ACIN1: variants seen among roughly 807,000 people sequenced by gnomAD.
ACIN1 encodes apoptotic chromatin condensation inducer in the nucleus.
Under a neutral mutation model 146.6 loss-of-function variants are expected in ACIN1, and 16 were observed. The ratio of observed to expected loss-of-function variants is 0.11; its 90% CI spans 0.07 to 0.17. The LOEUF is 0.17. Among genes scored for constraint, ACIN1 ranks in the 10% least tolerant of loss-of-function variants. The pLI, the probability that ACIN1 is intolerant of heterozygous loss-of-function variation, is 1.00. For missense variants in ACIN1, 1,357 were observed against 1,609.3 expected (o/e 0.84, Z 2.68); for synonymous variants, 569 against 582.7 (o/e 0.98, Z 0.34).
rs775836976 is a variant in ACIN1 at position 23,095,092 on chromosome 14, C to T, written c.21G>A (p.Val7=). The T allele has an allele frequency of 5.0e-6, 8 of 1,614,132 alleles. No homozygotes were observed. The highest frequency in any genetic ancestry group is 6.8e-6 in the Non-Finnish European group (8 of 1,180,042). Residue 7 remains valine, a synonymous_variant, in exon 1 of 19, where the codon GTG becomes GTA. Coordinates refer to ENST00000605057, the MANE Select transcript of ACIN1 (RefSeq NM_001386863.1). The part of the protein sequence containing the change: MAELEE[V]TLDGKPLQAL... ...CCTGAAGAGGCTTCCCGTCCAGAGT[C>T]ACCTCCTCCAGCTCCGCCATCTTGC...
intron 9 of ACIN1, chr14:23,069,201 G>A (rs1173521282): frequency 8.7e-6 from 10 of 1,150,080 alleles, no homozygotes; most frequent in East Asian, 8.5e-5. Flanking sequence ...CTTAGATAAA[G>A]GGCCATTATC....
chr14:23,061,906 G>A (rs561769708), intron 16 of ACIN1, among the ~76,000 whole-genome samples: 61 of 149,228 alleles, frequency 4.1e-4, no homozygotes, highest in Non-Finnish European at 7.4e-4. Context: ...CCCGGAAGGC[G>A]GAGCTTGCAG....
chr14:23,075,033 ACT>A (rs2047762770), intron 8 of ACIN1, among the ~76,000 whole-genome samples: 1 of 152,158 alleles, frequency 6.6e-6, no homozygotes, highest in Non-Finnish European at 1.5e-5. Flanking sequence ...AGTGGAGCAA[ACT>A]CTATTGATGA....
chr14:23,078,002 T>A, intron 8 of ACIN1, 149 bp downstream of exon 8: 1 of 681,926 alleles, frequency 1.5e-6, no homozygotes, highest in Non-Finnish European at 2.4e-6. Flanking sequence ...CCCAACATAG[T>A]AACTGAAGTC....
At chr14:23,074,423 G>C (rs2047747008) in intron 8 of ACIN1, among the ~76,000 whole-genome samples, 1 of 151,950 alleles carries the variant, frequency 6.6e-6, no homozygotes, top group African/African-American at 2.4e-5. Context: ...AAAATTAGCA[G>C]GGTGTGGCAG....
At chr14:23,081,421 A>G (rs184104666) in intron 5 of ACIN1, among the ~76,000 whole-genome samples, 1 of 152,342 alleles carries the variant, frequency 6.6e-6, no homozygotes, top group African/African-American at 2.4e-5. Context: ...CTAAATAAAA[A>G]GACAAAACGA....
chr14:23,092,809 A>T (rs757419827), intron 2 of ACIN1, among the ~76,000 whole-genome samples: 1 of 152,204 alleles, frequency 6.6e-6, no homozygotes, highest in Non-Finnish European at 1.5e-5. Flanking sequence ...GAGGAGTATG[A>T]GCCTTGCTTA....
intron 4 of ACIN1, among the ~76,000 whole-genome samples, 176 bp downstream of exon 4, chr14:23,089,806 G>A (rs1333423126): frequency 6.6e-6 from 1 of 152,166 alleles, no homozygotes. Context: ...CAATATATAG[G>A]TGAAAGCAGA....
intron 10 of ACIN1, among the ~76,000 whole-genome samples, chr14:23,065,282 T>G (rs951098961): frequency 6.6e-6 from 1 of 152,176 alleles, no homozygotes; most frequent in Non-Finnish European, 1.5e-5. Context: ...CCTTGGGTGC[T>G]CTCTTAGAAT....
chr14:23,063,092 A>C lies in ACIN1; in HGVS notation c.2738-18T>G. 2 of 1,590,260 alleles carry C rather than the reference A, an allele frequency of 1.3e-6. No homozygotes were observed. The highest frequency in any genetic ancestry group is 1.1e-5 in the South Asian group (1 of 87,086). ...TAAAGTCACTATCAAGAAGACCACA[A>C]GAACAGCTTTTGGTAGGAAGCAATA... On this transcript the variant is annotated intron_variant, in intron 13 of 18. Coordinates refer to ENST00000605057, the MANE Select transcript of ACIN1 (RefSeq NM_001386863.1).
Position 23,090,641 on chromosome 14 carries a change from G to A in ACIN1, c.205-8C>T. The A allele has an allele frequency of 6.2e-7, 1 of 1,608,688 alleles. No homozygotes were observed. The highest frequency in any genetic ancestry group is 1.1e-5 in the South Asian group (1 of 90,678). ...GCTCATTTCCTCACCAATCTGTGTAGAGGAAATGAAAACAGAGGGTCTAGG... is the reference window on the plus strand; with the variant it reads ...GCTCATTTCCTCACCAATCTGTGTAAAGGAAATGAAAACAGAGGGTCTAGG... On this transcript the variant is annotated splice_polypyrimidine_tract_variant and splice_region_variant and intron_variant, in intron 2 of 18. Transcript: ENST00000605057.
chr14:23,059,844 C>T (rs139534212), intron 18 of ACIN1, among the ~76,000 whole-genome samples: 6 of 147,296 alleles, frequency 4.1e-5, no homozygotes, highest in African/African-American at 1.6e-4. Flanking sequence ...TCAGTAGAGA[C>T]GGGGCTTCAC....
In ACIN1 at chr14:23,091,497, G is replaced by C. The variant is rs552172825; in HGVS notation, c.205-864C>G. On this transcript the variant is annotated intron_variant, in intron 2 of 18. Transcript: ENST00000605057. ...CTGTCATCCTGGCTACTCAGGAGGT[G>C]GTGGGTGCAGTGAACTGAGATCGTG... Among the ~76,000 whole-genome samples, 332 of 151,636 alleles carry C rather than the reference G, an allele frequency of 2.2e-3. 4 individuals are homozygous for C. Among genetic ancestry groups the C allele is most frequent in the Non-Finnish European group, 3.9e-3 (262 of 67,922 alleles).
intron 8 of ACIN1, among the ~76,000 whole-genome samples, chr14:23,075,685 G>A (rs1311327041): frequency 2.6e-5 from 4 of 151,002 alleles, no homozygotes; most frequent in African/African-American, 9.8e-5. Context: ...AAAAACCAAG[G>A]TTAGGCCATA....
At position 23,080,576 on chromosome 14, in the gene ACIN1, T is replaced by C. The variant is rs3811182; in HGVS notation, c.759A>G (p.Ile253Met). Reference protein sequence around the residue: ...LKEFKEEGEEIPRVKPEEMMD... With the variant: ...LKEFKEEGEEMPRVKPEEMMD... ...TCATCTCCTCTGGTTTTACTCTAGG[T>C]ATCTCTTCCCCTTCTTCCTTAAACT... Residue 253 changes from isoleucine to methionine, a missense_variant, in exon 6 of 19, where the codon ATA becomes ATG. Physicochemically the swap from Ile to Met is conservative, Grantham distance 10. Coordinates refer to ENST00000605057, the MANE Select transcript of ACIN1 (RefSeq NM_001386863.1). The C allele has an allele frequency of 0.43, 690,752 of 1,613,698 alleles. 151,046 individuals are homozygous for C. Among genetic ancestry groups the C allele is most frequent in the African/African-American group, 0.66 (49,615 of 74,836 alleles).
In ACIN1 at chr14:23,061,589, G is replaced by A; in HGVS notation, c.3133C>T (p.Pro1045Ser). The change falls in exon 17 of 19, where the codon CCC becomes TCC. Residue 1045 changes from proline to serine, a missense_variant. Coordinates refer to ENST00000605057, the MANE Select transcript of ACIN1 (RefSeq NM_001386863.1). Reference sequence around the variant, plus strand: ...TGCTCCTCTGTCTTAGTTTCAGAGGGACGGTCCACCAAGAGGCCTCGGTGA... The same window carrying A: ...TGCTCCTCTGTCTTAGTTTCAGAGGAACGGTCCACCAAGAGGCCTCGGTGA... ...DYHRGLLVDRPSETKTEEQGI... is the reference protein window; with the variant it reads ...DYHRGLLVDRSSETKTEEQGI... 1.3e-6 allele frequency: 2 copies of A among 1,552,174 alleles called. No homozygotes were observed. Among genetic ancestry groups the A allele is most frequent in the South Asian group, 2.4e-5 (2 of 83,694 alleles).
At chr14:23,078,334 T>C (rs899171678) in intron 7 of ACIN1, 68 bp from the exon 8 acceptor site, 103 of 1,451,890 alleles carry the variant, frequency 7.1e-5, no homozygotes, top group Non-Finnish European at 9.2e-5. Context: ...TTCTTCTACC[T>C]GGAGCCTGAA....
chr14:23,060,871 C>A (rs752840471), intron 18 of ACIN1, among the ~76,000 whole-genome samples: 7 of 152,242 alleles, frequency 4.6e-5, no homozygotes, highest in Non-Finnish European at 7.3e-5. Flanking sequence ...CCACAAACTT[C>A]AGCTGCTATC....
At position 23,090,041 on chromosome 14, in the gene ACIN1, G is replaced by A. The variant is rs751976062; in HGVS notation, c.377C>T (p.Pro126Leu). 1.9e-6 allele frequency: 3 copies of A among 1,613,592 alleles called. No homozygotes were observed. Among genetic ancestry groups the A allele is most frequent in the South Asian group, 1.1e-5 (1 of 90,976 alleles). Residue 126 changes from proline to leucine, a missense_variant, in exon 4 of 19, where the codon CCT (proline) becomes CTT (leucine). Coordinates refer to ENST00000605057, the MANE Select transcript of ACIN1 (RefSeq NM_001386863.1). ...CTCCAGGCTGCTCTGAAAGTCAGGAGGCAGCAGGGAAGCCACTCCCTCAGG... is the reference window on the plus strand; with the variant it reads ...CTCCAGGCTGCTCTGAAAGTCAGGAAGCAGCAGGGAAGCCACTCCCTCAGG... ...IHPEGVASLL[P>L]PDFQSSLERP...
Sources: gnomAD v4.1 joint callset for allele counts (sites outside exome capture counted in the v4.1 genomes callset) on GRCh38, gnomAD v4.1.1 for gene constraint, MANE v1.5 for transcripts, NCBI Gene and HGNC (gene_info 2026-07-23, HGNC 2026-07-21) for gene names.